PTCD2: variants seen among roughly 807,000 people sequenced by gnomAD.
PTCD2 encodes the protein pentatricopeptide repeat domain 2.
In PTCD2, 31 loss-of-function variants were observed where a neutral mutation model predicts 42.6. The ratio of observed to expected loss-of-function variants is 0.73; its 90% CI spans 0.55 to 0.98. The LOEUF (loss-of-function observed/expected upper bound fraction) is 0.98, where lower values mean the gene tolerates loss of function less well. Ranked by LOEUF, PTCD2 falls within the 50% of genes least tolerant of loss-of-function variation. PTCD2 has a pLI of 0.00. For synonymous variants in PTCD2, 183 were observed against 170.9 expected (o/e 1.07, Z -0.55); for missense variants, 476 against 454.8 (o/e 1.05, Z -0.42).
chr5:72,357,083 C>T (rs909619539), intron 9 of PTCD2, among the ~76,000 whole-genome samples: 5 of 152,296 alleles, frequency 3.3e-5, no homozygotes, highest in African/African-American at 7.2e-5. Context: ...GACTCTACTA[C>T]GTATGCCTCT....
intron 3 of PTCD2, among the ~76,000 whole-genome samples, chr5:72,329,592 G>A (rs1198455035): frequency 6.6e-6 from 1 of 152,094 alleles, no homozygotes; most frequent in Non-Finnish European, 1.5e-5. Context: ...TTTCTCATGA[G>A]AATATTTACT....
At chr5:72,355,214 G>A (rs1221940440) in intron 9 of PTCD2, among the ~76,000 whole-genome samples, 1 of 152,008 alleles carries the variant, frequency 6.6e-6, no homozygotes, top group East Asian at 1.9e-4. Flanking sequence ...AGGAACCACA[G>A]TTAATTATTA....
chr5:72,326,835 T>C (rs985019876), intron 3 of PTCD2, 94 bp downstream of exon 3: 2 of 1,257,630 alleles, frequency 1.6e-6, no homozygotes, highest in Non-Finnish European at 2.2e-6. Flanking sequence ...TGTTGCCACC[T>C]CTATACTAGT....
At chr5:72,340,518 A>G (rs1042980920) in intron 7 of PTCD2, among the ~76,000 whole-genome samples, 1 of 152,054 alleles carries the variant, frequency 6.6e-6, no homozygotes, top group Non-Finnish European at 1.5e-5. Context: ...TAACATTTAC[A>G]CTCTGTACTA....
intron 3 of PTCD2, among the ~76,000 whole-genome samples, chr5:72,327,587 C>T (rs1317781655): frequency 6.6e-6 from 1 of 151,766 alleles, no homozygotes; most frequent in Non-Finnish European, 1.5e-5. Context: ...ATTCTCTTGC[C>T]TCAGTCTCCC....
At position 72,364,719 on chromosome 5, in the gene PTCD2, TG is replaced by T. The variant is rs1753162306; in HGVS notation, c.*6293del. ...GCTGTTTCTGTCCCGGTTTTACACATGACAGAGCCAAGACACAGACAAGTAG... is the reference window on the plus strand; with the variant it reads ...GCTGTTTCTGTCCCGGTTTTACACATACAGAGCCAAGACACAGACAAGTAG... On this transcript the variant is annotated 3_prime_UTR_variant, in exon 10 of 10. Coordinates refer to ENST00000380639, the MANE Select transcript of PTCD2 (RefSeq NM_024754.5). The T allele has an allele frequency of 6.6e-6, 1 of 152,192 alleles. No homozygotes were observed. Among genetic ancestry groups the T allele is most frequent in the East Asian group, 1.9e-4 (1 of 5,182 alleles). The allele number at this position is 152,192 out of a possible 1,614,324, so 9.4% of individuals were successfully genotyped here.
At chr5:72,354,450 A>G (rs530196897) in intron 9 of PTCD2, among the ~76,000 whole-genome samples, 298 of 151,802 alleles carry the variant, frequency 2.0e-3, no homozygotes, top group Non-Finnish European at 2.6e-3. Flanking sequence ...ACAACCCTGA[A>G]GAAAAATGGG....
intron 5 of PTCD2, among the ~76,000 whole-genome samples, chr5:72,335,404 G>C (rs1751680786): frequency 6.7e-6 from 1 of 149,796 alleles, no homozygotes; most frequent in Non-Finnish European, 1.5e-5. Context: ...AGCCGAGATT[G>C]CGCCACTGCA....
In PTCD2 at chr5:72,358,355, G is replaced by T. The variant is rs754223635; in HGVS notation, c.1095G>T (p.Thr365=). The T allele has an allele frequency of 6.2e-7, 1 of 1,613,868 alleles. No individual in the cohort carries two copies. Among genetic ancestry groups the T allele is most frequent in the African/African-American group, 1.3e-5 (1 of 74,860 alleles). ...CCCCCAGGGACAGGAAATCTCACAC[G>T]TTGCTATTAAACAAGAGGATGGTCA... ...CHTPRDRKSH[T]LLLNKRMVSR... Residue 365 remains threonine, a synonymous_variant, in exon 10 of 10, where the codon ACG becomes ACT. Transcript: ENST00000380639.
intron 8 of PTCD2, 44 bp downstream of exon 8, chr5:72,343,080 T>G: frequency 1.9e-6 from 2 of 1,050,984 alleles, no homozygotes; most frequent in Non-Finnish European, 2.7e-6. Context: ...TGAAATGTAT[T>G]ATAATAAATG....
chr5:72,320,659 A>G (rs1750777324), intron 1 of PTCD2, 150 bp downstream of exon 1: 1 of 1,070,432 alleles, frequency 9.3e-7, no homozygotes, highest in Non-Finnish European at 1.4e-6. Flanking sequence ...ACGTGGGTGC[A>G]GTGGTGACCA....
chr5:72,333,444 C>T (rs1330081270), intron 4 of PTCD2, among the ~76,000 whole-genome samples: 2 of 152,026 alleles, frequency 1.3e-5, no homozygotes, highest in Non-Finnish European at 2.9e-5. Context: ...ATTATAAACC[C>T]TAGTAGGGTT....
At chr5:72,324,191 C>G (rs1751013723) in intron 2 of PTCD2, among the ~76,000 whole-genome samples, 1 of 152,138 alleles carries the variant, frequency 6.6e-6, no homozygotes, top group Non-Finnish European at 1.5e-5. Flanking sequence ...TTGTGATTTC[C>G]AGTTGTCATA....
At chr5:72,353,284 T>G (rs1408905474) in intron 9 of PTCD2, among the ~76,000 whole-genome samples, 4 of 152,184 alleles carry the variant, frequency 2.6e-5, no homozygotes, top group East Asian at 1.9e-4. Flanking sequence ...AGTCCAGAAG[T>G]TGACTCACTC....
intron 9 of PTCD2, among the ~76,000 whole-genome samples, chr5:72,356,737 G>A (rs977758552): frequency 6.6e-6 from 1 of 152,146 alleles, no homozygotes; most frequent in Non-Finnish European, 1.5e-5. Context: ...TGCACATTAA[G>A]TCATTTTCAC....
chr5:72,350,726 C>T (rs995146528), intron 8 of PTCD2, among the ~76,000 whole-genome samples: 1 of 152,114 alleles, frequency 6.6e-6, no homozygotes, highest in African/African-American at 2.4e-5. Context: ...CAAAGACAAC[C>T]CCTCATCCTG....
rs771157741 is a variant in PTCD2, at chr5:72,322,197, TGTG to T, written c.157_159del (p.Val53del). The stretch of plus-strand genomic sequence containing the variant: ...CTAAAAGATACCTACTTACAGATAA[TGTG>T]GTGAAATTAAAAGAATTTCAACAAA... On this transcript the variant is annotated inframe_deletion, in exon 2 of 10. Transcript: ENST00000380639. The T allele has an allele frequency of 2.0e-4, 317 of 1,595,616 alleles. 2 individuals are homozygous for T. The highest frequency in any genetic ancestry group is 2.9e-4 in the African/African-American group (22 of 74,668).
chr5:72,322,791 T>C (rs1053169835), intron 2 of PTCD2, among the ~76,000 whole-genome samples: 9 of 152,230 alleles, frequency 5.9e-5, no homozygotes, highest in South Asian at 2.1e-4. Flanking sequence ...ATTTGGTATT[T>C]TTCACTCTGT....
chr5:72,367,077 ATAGTCAACCTTACTGTCTCT>A lies in PTCD2; in HGVS notation c.*8652_*8671del. 6.6e-6 allele frequency: 1 copy of A among 152,242 alleles called. No homozygotes were observed. Among genetic ancestry groups the A allele is most frequent in the Non-Finnish European group, 1.5e-5 (1 of 68,040 alleles). The allele number at this position is 152,242 out of a possible 1,614,324, so 9.4% of individuals were successfully genotyped here. ...TCTACCCTTCCAGATTCATCAAATG[ATAGTCAACCTTACTGTCTCT>A]TCCTGCCATCATCAGGAATGACTAA... On this transcript the variant is annotated 3_prime_UTR_variant, in exon 10 of 10. Coordinates refer to ENST00000380639, the MANE Select transcript of PTCD2 (RefSeq NM_024754.5).
Sources: gnomAD v4.1 joint callset for allele counts (sites outside exome capture counted in the v4.1 genomes callset) on GRCh38, gnomAD v4.1.1 for gene constraint, MANE v1.5 for transcripts, NCBI Gene and HGNC (gene_info 2026-07-23, HGNC 2026-07-21) for gene names.